Variants in CCSER1 observed in about 807,000 individuals in gnomAD.
The protein encoded by CCSER1 is coiled-coil serine rich protein 1.
A neutral mutation model predicts 82.0 loss-of-function variants in CCSER1; 41 were observed. The ratio of observed to expected loss-of-function variants is 0.50; its 90% CI spans 0.39 to 0.65. CCSER1 has a LOEUF of 0.65. CCSER1 is among the 30% of genes least tolerant of loss of function. The pLI, the probability that CCSER1 is intolerant of heterozygous loss-of-function variation, is 0.00. For missense variants in CCSER1, 1,119 were observed against 1,064.2 expected, an observed-to-expected ratio of 1.05 and a Z score of -0.72; for synonymous variants, 414 against 383.9, an observed-to-expected ratio of 1.08 and a Z score of -0.92.
At chr4:90,168,044 C>T (rs1284531817) in intron 1 of CCSER1, among the ~76,000 whole-genome samples, 2 of 151,876 alleles carry the variant, frequency 1.3e-5, no homozygotes, top group Non-Finnish European at 2.9e-5. Flanking sequence ...CCTGAGGAAT[C>T]ACCACACTGA....
At chr4:90,735,128 T>C (rs1351443862) in intron 7 of CCSER1, among the ~76,000 whole-genome samples, 1 of 152,180 alleles carries the variant, frequency 6.6e-6, no homozygotes. Flanking sequence ...GTCATATTAA[T>C]TGATTTTTGT....
intron 4 of CCSER1, among the ~76,000 whole-genome samples, chr4:90,456,194 C>T (rs1424791860): frequency 1.3e-5 from 2 of 152,114 alleles, no homozygotes; most frequent in Non-Finnish European, 2.9e-5. Flanking sequence ...GGGAAAAAAC[C>T]TTTTGCCCTG....
intron 10 of CCSER1, among the ~76,000 whole-genome samples, chr4:91,462,054 G>A (rs1451541238): frequency 6.6e-6 from 1 of 152,020 alleles, no homozygotes; most frequent in Non-Finnish European, 1.5e-5. Context: ...ATCTTATTAA[G>A]GGATAAAAAG....
chr4:91,008,040 A>G (rs900158351), intron 9 of CCSER1, among the ~76,000 whole-genome samples: 2 of 152,056 alleles, frequency 1.3e-5, no homozygotes, highest in African/African-American at 4.8e-5. Flanking sequence ...ATGTGTTTGT[A>G]TAGTTTCCTG....
intron 10 of CCSER1, among the ~76,000 whole-genome samples, chr4:91,271,880 G>A (rs777823603): frequency 1.2e-4 from 18 of 151,978 alleles, no homozygotes; most frequent in Non-Finnish European, 2.2e-4. Flanking sequence ...TCATCCTCCC[G>A]AGTAGCCAGG....
chr4:90,561,882 G>A (rs1467740793), intron 5 of CCSER1, among the ~76,000 whole-genome samples: 1 of 152,006 alleles, frequency 6.6e-6, no homozygotes, highest in East Asian at 1.9e-4. Context: ...CATAGGAAGG[G>A]ATTTGACTGT....
chr4:90,507,785 G>C (rs1045795346), intron 5 of CCSER1, among the ~76,000 whole-genome samples: 2 of 151,924 alleles, frequency 1.3e-5, no homozygotes, highest in Admixed American at 6.6e-5. Context: ...GGCTAATTTC[G>C]ATGATTACTT....
chr4:91,338,952 C>T (rs945024356), intron 10 of CCSER1, among the ~76,000 whole-genome samples: 1 of 152,186 alleles, frequency 6.6e-6, no homozygotes, highest in African/African-American at 2.4e-5. Context: ...ATACTGCATT[C>T]ATTTGAAGAC....
intron 1 of CCSER1, among the ~76,000 whole-genome samples, chr4:90,139,831 G>T (rs1016984976): frequency 9.2e-5 from 14 of 152,180 alleles, no homozygotes; most frequent in South Asian, 2.1e-4. Context: ...GTGGTGGCAG[G>T]TATCTGTAAT....
At chr4:90,407,798 G>A (rs1306541287) in intron 4 of CCSER1, among the ~76,000 whole-genome samples, 1 of 152,050 alleles carries the variant, frequency 6.6e-6, no homozygotes, top group African/African-American at 2.4e-5. Flanking sequence ...CAGGACAGTG[G>A]GTGTGGCGCA....
At chr4:90,565,582 T>G (rs564315333) in intron 5 of CCSER1, among the ~76,000 whole-genome samples, 7 of 152,334 alleles carry the variant, frequency 4.6e-5, no homozygotes, top group African/African-American at 1.7e-4. Flanking sequence ...GCATCCTGCC[T>G]TGTTCTAATG....
intron 9 of CCSER1, among the ~76,000 whole-genome samples, chr4:90,954,679 A>G (rs1733248315): frequency 6.6e-6 from 1 of 152,166 alleles, no homozygotes. Flanking sequence ...AGGAAGTATC[A>G]ATCTCTGTGA....
chr4:90,637,544 G>A (rs1215016376), intron 6 of CCSER1, among the ~76,000 whole-genome samples: 3 of 152,054 alleles, frequency 2.0e-5, no homozygotes, highest in Non-Finnish European at 4.4e-5. Context: ...CCTCTCATAT[G>A]CAAAGTACAC....
chr4:91,144,495 A>G (rs989179407), intron 10 of CCSER1, among the ~76,000 whole-genome samples: 4 of 151,630 alleles, frequency 2.6e-5, no homozygotes, highest in Non-Finnish European at 4.4e-5. Context: ...TTATTTTCTT[A>G]TGGTACCTTT....
intron 1 of CCSER1, among the ~76,000 whole-genome samples, chr4:90,229,993 G>A (rs1336422293): frequency 2.0e-5 from 3 of 152,254 alleles, no homozygotes; most frequent in East Asian, 3.9e-4. Context: ...GACCTACAAA[G>A]AGACTTAGAC....
At chr4:91,192,390 A>C (rs1333818126) in intron 10 of CCSER1, among the ~76,000 whole-genome samples, 1 of 152,166 alleles carries the variant, frequency 6.6e-6, no homozygotes, top group Non-Finnish European at 1.5e-5. Context: ...CCATGCTCAG[A>C]TTTCAAAGTC....
chr4:90,146,644 AATTTT>A (rs1430578353), intron 1 of CCSER1, among the ~76,000 whole-genome samples: 1 of 152,230 alleles, frequency 6.6e-6, no homozygotes, highest in Admixed American at 6.5e-5. Context: ...GGCTTAGTGT[AATTTT>A]ATGTTAGCTA....
In CCSER1 at chr4:91,599,991, T is replaced by G. The variant is rs185435003; in HGVS notation, c.*934T>G. On this transcript the variant is annotated 3_prime_UTR_variant, in exon 11 of 11. Transcript: ENST00000509176. ...ATGTTCTTTTTTATGTAAATCCAAT[T>G]TTGGTTTATATACATCAACCCATAT... 6.6e-6 allele frequency: 1 copy of G among 152,318 alleles called. No homozygotes were observed. The highest frequency in any genetic ancestry group is 1.9e-4 in the East Asian group (1 of 5,190). 9.4% of individuals were successfully genotyped at this position (152,318 alleles called of 1,614,324 possible). A position where few individuals can be genotyped will look rare whatever the true frequency, so the allele number is the denominator to read the frequency against.
rs753842257 is a variant in CCSER1 at position 90,723,924 on chromosome 4, T to A, written c.1943T>A (p.Met648Lys). ...MKRVLQESAD[M>K]SPASSTTSLP... is the part of the protein sequence containing the mutation. Reference sequence around the variant, plus strand: ...TCACTGTCCTTGCAGAGTGCAGACATGAGTCCAGCAAGCAGTACCACGTCA... The same window carrying A: ...TCACTGTCCTTGCAGAGTGCAGACAAGAGTCCAGCAAGCAGTACCACGTCA... Residue 648 changes from methionine to lysine, a missense_variant, in exon 7 of 11, where the codon ATG (methionine) becomes AAG (lysine). Met to Lys is a moderately conservative substitution (Grantham distance 95). Coordinates refer to ENST00000509176, the MANE Select transcript of CCSER1 (RefSeq NM_001145065.2). The A allele has an allele frequency of 6.4e-7, 1 of 1,571,684 alleles. No individual in the cohort carries two copies. The highest frequency in any genetic ancestry group is 1.8e-5 in the Admixed American group (1 of 56,674).
Sources: gnomAD v4.1 joint callset for allele counts (sites outside exome capture counted in the v4.1 genomes callset) on GRCh38, gnomAD v4.1.1 for gene constraint, MANE v1.5 for transcripts, NCBI Gene and HGNC (gene_info 2026-07-23, HGNC 2026-07-21) for gene names.